METTL15: variants seen among roughly 807,000 people sequenced by gnomAD.
METTL15 encodes 12S rRNA N(4)-cytidine methyltransferase METTL15.
Under a neutral mutation model 38.3 loss-of-function variants are expected in METTL15, and 34 were observed. The ratio of observed to expected loss-of-function variants is 0.89; its 90% CI spans 0.68 to 1.18. The LOEUF (loss-of-function observed/expected upper bound fraction) is 1.18. METTL15 is among the 50% of genes most tolerant of loss of function. METTL15 has a pLI of 0.00. For synonymous variants in METTL15, 162 were observed against 170.9 expected (o/e 0.95, Z 0.41); for missense variants, 438 against 498.4 (o/e 0.88, Z 1.15).
At chr11:28,317,841 C>T (rs2134039839) in intron 6 of METTL15, among the ~76,000 whole-genome samples, 2 of 152,280 alleles carry the variant, frequency 1.3e-5, no homozygotes, top group Middle Eastern at 3.4e-3. Context: ...GATAGAGTTT[C>T]CAGCTTCTGA....
chr11:28,149,847 C>T (rs1328533440), intron 3 of METTL15, among the ~76,000 whole-genome samples: 3 of 151,888 alleles, frequency 2.0e-5, no homozygotes, highest in African/African-American at 7.2e-5. Context: ...ATTTGCATTT[C>T]TCAAATTGAG....
At chr11:28,513,948 G>A (rs182022654) in intron 6 of METTL15, among the ~76,000 whole-genome samples, 19 of 152,330 alleles carry the variant, frequency 1.2e-4, no homozygotes, top group Admixed American at 1.2e-3. Flanking sequence ...CAGAGATTTT[G>A]TTTATGGCCA....
At chr11:28,272,685 T>C (rs1416544570) in intron 4 of METTL15, among the ~76,000 whole-genome samples, 1 of 152,146 alleles carries the variant, frequency 6.6e-6, no homozygotes, top group Non-Finnish European at 1.5e-5. Flanking sequence ...ACCTGCACAT[T>C]CTGCACATGT....
intron 4 of METTL15, among the ~76,000 whole-genome samples, chr11:28,221,821 C>T (rs2133865183): frequency 6.6e-6 from 1 of 152,322 alleles, no homozygotes; most frequent in East Asian, 1.9e-4. Context: ...AGGTCCACTC[C>T]AGACCCTGTT....
chr11:28,185,753 A>T (rs902627750), intron 3 of METTL15, among the ~76,000 whole-genome samples: 2 of 151,044 alleles, frequency 1.3e-5, no homozygotes, highest in African/African-American at 4.8e-5. Flanking sequence ...TTATTTATTC[A>T]CTTAATAAAT....
chr11:28,285,733 T>G (rs553889130), intron 4 of METTL15, among the ~76,000 whole-genome samples: 1 of 152,332 alleles, frequency 6.6e-6, no homozygotes, highest in South Asian at 2.1e-4. Context: ...TTGGGACAAT[T>G]TAACTGCTGG....
intron 3 of METTL15, among the ~76,000 whole-genome samples, chr11:28,184,237 G>A (rs1187927431): frequency 6.6e-6 from 1 of 151,742 alleles, no homozygotes; most frequent in Non-Finnish European, 1.5e-5. Flanking sequence ...TTTTTTGAAG[G>A]GTTTTTTGTG....
intron 4 of METTL15, among the ~76,000 whole-genome samples, chr11:28,243,622 T>A (rs1854391633): frequency 6.6e-6 from 1 of 152,152 alleles, no homozygotes; most frequent in African/African-American, 2.4e-5. Context: ...TATTTCAAAT[T>A]AAGAGTAGCA....
chr11:28,141,334 G>A (rs181917283), intron 3 of METTL15, among the ~76,000 whole-genome samples: 5 of 152,156 alleles, frequency 3.3e-5, no homozygotes, highest in Middle Eastern at 3.4e-3. Context: ...TGGTATGGCC[G>A]AATGCACGAG....
chr11:28,293,784 T>C (rs975010791), intron 5 of METTL15, among the ~76,000 whole-genome samples: 1 of 152,196 alleles, frequency 6.6e-6, no homozygotes, highest in African/African-American at 2.4e-5. Context: ...CCTTTGTCAG[T>C]TGGATTCCTA....
intron 6 of METTL15, among the ~76,000 whole-genome samples, chr11:28,482,981 C>T (rs1442822176): frequency 1.3e-5 from 2 of 152,046 alleles, no homozygotes; most frequent in Non-Finnish European, 2.9e-5. Flanking sequence ...CCGGATCAGC[C>T]TCTCTCCTCT....
intron 3 of METTL15, among the ~76,000 whole-genome samples, chr11:28,200,934 A>G (rs1219633473): frequency 6.6e-6 from 1 of 152,030 alleles, no homozygotes; most frequent in East Asian, 1.9e-4. Flanking sequence ...AGAACTTCCA[A>G]TACTATGTTG....
intron 3 of METTL15, among the ~76,000 whole-genome samples, chr11:28,169,705 T>G (rs955362775): frequency 6.6e-6 from 1 of 152,158 alleles, no homozygotes; most frequent in Admixed American, 6.6e-5. Flanking sequence ...TTTAGATAAC[T>G]ACGTTAATCA....
At chr11:28,195,327 C>T (rs935988057) in intron 3 of METTL15, among the ~76,000 whole-genome samples, 2 of 152,034 alleles carry the variant, frequency 1.3e-5, no homozygotes, top group African/African-American at 2.4e-5. Context: ...TTTACATTTC[C>T]ACCAGCAATG....
intron 6 of METTL15, among the ~76,000 whole-genome samples, chr11:28,452,563 A>G (rs1851132255): frequency 6.6e-6 from 1 of 152,218 alleles, no homozygotes; most frequent in African/African-American, 2.4e-5. Flanking sequence ...GTAGACAGGA[A>G]AAGCAAATCT....
chr11:28,378,111 TTGTC>T (rs1006401320), intron 5 of METTL15, among the ~76,000 whole-genome samples: 4 of 152,102 alleles, frequency 2.6e-5, no homozygotes, highest in African/African-American at 9.7e-5. Flanking sequence ...GTCTTTTTGT[TTGTC>T]TGTGCCCTGC....
Position 28,331,120 on chromosome 11 carries a change from A to T in METTL15, c.*279A>T, listed in dbSNP as rs1413063518. 4 of 233,200 alleles carry T rather than the reference A, an allele frequency of 1.7e-5. No homozygotes were observed. The highest frequency in any genetic ancestry group is 5.4e-5 in the Admixed American group (1 of 18,588). 14.4% of individuals were successfully genotyped at this position (233,200 alleles called of 1,614,324 possible). ...CCTTCCTCTGGCCAGGAAATTTTTT[A>T]AAAAATAATACTGTGTTGTGTTTAT... is the stretch of plus-strand genomic sequence containing the variant. On this transcript the variant is annotated 3_prime_UTR_variant, in exon 7 of 7. Coordinates refer to ENST00000407364, the MANE Select transcript of METTL15 (RefSeq NM_001113528.2).
chr11:28,284,664 G>A (rs996534847), intron 4 of METTL15, among the ~76,000 whole-genome samples: 1 of 152,172 alleles, frequency 6.6e-6, no homozygotes, highest in Non-Finnish European at 1.5e-5. Flanking sequence ...TAAGTCAACA[G>A]TGTGAAATAA....
At chr11:28,211,356 T>G (rs1461237003) in intron 4 of METTL15, among the ~76,000 whole-genome samples, 158 bp downstream of exon 4, 1 of 152,090 alleles carries the variant, frequency 6.6e-6, no homozygotes, top group African/African-American at 2.4e-5. Context: ...AAGTGATGTT[T>G]TTAGTACCAC....
Sources: allele counts gnomAD v4.1 joint callset (sites outside exome capture counted in the v4.1 genomes callset), GRCh38; gene constraint gnomAD v4.1.1; transcripts MANE v1.5; gene names NCBI Gene and HGNC (gene_info 2026-07-23, HGNC 2026-07-21).